ABCC8: variants seen among roughly 807,000 people sequenced by gnomAD.
ABCC8 encodes ATP-binding cassette sub-family C member 8.
Under a neutral mutation model 188.0 loss-of-function variants are expected in ABCC8, and 137 were observed. The observed-to-expected ratio is 0.73, with a 90% CI of 0.63 to 0.84. The LOEUF (loss-of-function observed/expected upper bound fraction) is 0.84. ABCC8 is among the 40% of genes least tolerant of loss of function. The pLI is 0.00. For synonymous variants in ABCC8, 797 were observed against 846.5 expected (o/e 0.94, Z 1.01); for missense variants, 1,750 against 2,072.7 (o/e 0.84, Z 3.02).
rs370343912 is a variant in ABCC8 at position 17,446,298 on chromosome 11, A to C, written c.1332+2218T>G. Among the ~76,000 whole-genome samples the C allele has an allele frequency of 2.0e-3, 304 of 152,170 alleles. 5 individuals are homozygous for C. In the South Asian group the frequency reaches 0.024, roughly 12 times the overall value. On this transcript the variant is annotated intron_variant, in intron 8 of 38. Transcript: ENST00000389817. Reference sequence around the variant, plus strand: ...TCTTACAAACTGCTTGTTCAAGGGGACACAACAGAAAGTGTCTTGTAGCCT... The same window carrying C: ...TCTTACAAACTGCTTGTTCAAGGGGCCACAACAGAAAGTGTCTTGTAGCCT...
chr11:17,432,473 G>T (rs1177290765), intron 10 of ABCC8: 2 of 825,096 alleles, frequency 2.4e-6, no homozygotes, highest in Admixed American at 3.0e-5. Flanking sequence ...GGCTTAAACT[G>T]TTAAGTCACT....
At position 17,428,371 on chromosome 11, in the gene ABCC8, C is replaced by A; in HGVS notation, c.1958G>T (p.Arg653Leu). The change falls in exon 14 of 39, where the codon CGG (arginine) becomes CTG (leucine). Residue 653 changes from arginine to leucine, a missense_variant. Coordinates refer to ENST00000389817, the MANE Select transcript of ABCC8 (RefSeq NM_000352.6). ...GCCGGTGAGGCCCCGACAATCCTCC[C>A]GGGCTGGACGCTTGCGGTTCACAAC... ...LRVVNRKRPAREDCRGLTGPL... is the reference protein window; with the variant it reads ...LRVVNRKRPALEDCRGLTGPL... 1 of 1,614,096 alleles carries A rather than the reference C, an allele frequency of 6.2e-7. No homozygotes were observed. The highest frequency in any genetic ancestry group is 8.5e-7 in the Non-Finnish European group (1 of 1,179,980).
chr11:17,417,474 G>C (rs1401437271), intron 16 of ABCC8, among the ~76,000 whole-genome samples: 1 of 152,168 alleles, frequency 6.6e-6, no homozygotes, highest in Admixed American at 6.5e-5. Flanking sequence ...ATAGTGGACT[G>C]TAATGTCAAA....
At position 17,396,415 on chromosome 11, in the gene ABCC8, G is replaced by A. The variant is rs74891446; in HGVS notation, c.4120-485C>T. The A allele has an allele frequency of 1.1e-3, 341 of 310,598 alleles. 1 individual carries two copies. Among genetic ancestry groups the A allele is most frequent in the African/African-American group, 6.5e-3 (304 of 46,676 alleles). 19.2% of individuals were successfully genotyped at this position (310,598 alleles called of 1,614,324 possible). On this transcript the variant is annotated intron_variant, in intron 33 of 38. Transcript: ENST00000389817. ...GACATAGAAGGATGAGAGAGGCAGGGACAGAGGTACATCCCAAGGTCAGAG... is the reference window on the plus strand; with the variant it reads ...GACATAGAAGGATGAGAGAGGCAGGAACAGAGGTACATCCCAAGGTCAGAG...
Position 17,394,316 on chromosome 11 carries a change from T to C in ABCC8, c.4495A>G (p.Thr1499Ala). 1 of 1,614,042 alleles carries C rather than the reference T, an allele frequency of 6.2e-7. No individual in the cohort carries two copies. The highest frequency in any genetic ancestry group is 1.3e-5 in the African/African-American group (1 of 75,062). ...FCLARAFVRK[T>A]SIFIMDEATA... ...GCCTCGTCCATGATGAAGATGCTGG[T>C]CTTCCTCACGAAGGCCCGGGCCAGG... Residue 1499 changes from threonine to alanine, a missense_variant, in exon 37 of 39, where the codon ACC becomes GCC. By Grantham distance (58) the Thr-to-Ala change is moderately conservative. Transcript: ENST00000389817.
intron 29 of ABCC8, among the ~76,000 whole-genome samples, chr11:17,398,690 C>T (rs1591719572): frequency 6.6e-6 from 1 of 152,214 alleles, no homozygotes; most frequent in African/African-American, 2.4e-5. Context: ...CTAGGTCTTT[C>T]CCATTATAAT....
At chr11:17,432,174 C>G in intron 11 of ABCC8, 30 bp downstream of exon 11, 2 of 1,552,102 alleles carry the variant, frequency 1.3e-6, no homozygotes, top group Non-Finnish European at 1.7e-6. Flanking sequence ...TCCACCCTAC[C>G]CCCAAGAGAT....
At position 17,442,899 on chromosome 11, in the gene ABCC8, G is replaced by A. The variant is rs368633197; in HGVS notation, c.1468-17C>T. ...GGAATACTCCTGCAGGGGTCCCCGA[G>A]TCAGAGGGGAGAGGCTTCTGCTCCG... On this transcript the variant is annotated splice_polypyrimidine_tract_variant and intron_variant, in intron 9 of 38. Transcript: ENST00000389817. The A allele has an allele frequency of 1.2e-6, 2 of 1,609,746 alleles. No individual in the cohort carries two copies. The highest frequency in any genetic ancestry group is 1.1e-5 in the South Asian group (1 of 91,058).
intron 11 of ABCC8, chr11:17,431,177 C>A: frequency 1.4e-6 from 1 of 712,856 alleles, no homozygotes; most frequent in Non-Finnish European, 2.2e-6. Context: ...GGGCTGCTCC[C>A]TCCCTGTCCT....
chr11:17,409,252 C>T (rs1450337573), intron 22 of ABCC8, among the ~76,000 whole-genome samples: 3 of 152,118 alleles, frequency 2.0e-5, no homozygotes, highest in Non-Finnish European at 4.4e-5. Context: ...CCACCGCGCC[C>T]GGCTCAATAA....
At chr11:17,465,192 A>T (rs1848074951) in intron 3 of ABCC8, among the ~76,000 whole-genome samples, 1 of 152,138 alleles carries the variant, frequency 6.6e-6, no homozygotes, top group African/African-American at 2.4e-5. Flanking sequence ...GAGGAATTCC[A>T]CAGCTGAAGG....
Position 17,404,744 on chromosome 11 carries a change from T to G in ABCC8, c.3400-75A>C. On this transcript the variant is annotated intron_variant, in intron 27 of 38. Transcript: ENST00000389817. This position sits in a 1 kb window ranked among gnomAD's most constrained non-coding sequence, Gnocchi z 4.7. ...GTTTAGAGTGCTACTGGCCGCCATG[T>G]TTTGCTCTCACTTTATTTTTTGATC... 1 of 1,543,008 alleles carries G rather than the reference T, an allele frequency of 6.5e-7. No individual in the cohort carries two copies. The highest frequency in any genetic ancestry group is 2.3e-4 in the Middle Eastern group (1 of 4,358).
intron 3 of ABCC8, among the ~76,000 whole-genome samples, chr11:17,467,898 C>T (rs2283257): frequency 0.13 from 20,504 of 152,274 alleles, 1,601 homozygotes; most frequent in Non-Finnish European, 0.17. Context: ...AATCCATCCA[C>T]GGGTGATAAC....
intron 30 of ABCC8, 137 bp downstream of exon 30, chr11:17,398,202 G>C (rs1954044824): frequency 8.4e-7 from 1 of 1,191,142 alleles, no homozygotes; most frequent in East Asian, 2.5e-5. Context: ...AGGACCACCA[G>C]GGCTGGGGGA....
intron 3 of ABCC8, among the ~76,000 whole-genome samples, chr11:17,464,087 G>A (rs1847999842): frequency 1.3e-5 from 2 of 152,218 alleles, no homozygotes; most frequent in Admixed American, 6.5e-5. Context: ...AGCTGGGCTG[G>A]CCTGACGCTG....
chr11:17,427,018 C>G lies in ABCC8; in HGVS notation c.2222+31G>C. On this transcript the variant is annotated intron_variant, in intron 16 of 38. Coordinates refer to ENST00000389817, the MANE Select transcript of ABCC8 (RefSeq NM_000352.6). The surrounding 1 kb of genome is among the most constrained non-coding windows in gnomAD (Gnocchi z 5.0). ...GAGGATGGTTAAAAGGAGATTTCCC[C>G]TCCACTGGGCCCTGAGGATACATGT... The G allele has an allele frequency of 6.2e-7, 1 of 1,610,240 alleles. No homozygotes were observed. The highest frequency in any genetic ancestry group is 8.5e-7 in the Non-Finnish European group (1 of 1,177,986).
At chr11:17,439,874 T>G (rs1478549955) in intron 10 of ABCC8, among the ~76,000 whole-genome samples, 1 of 152,142 alleles carries the variant, frequency 6.6e-6, no homozygotes, top group Admixed American at 6.5e-5. Flanking sequence ...TAGGTCCTCC[T>G]GGCCCCAGGC....
At position 17,443,223 on chromosome 11, in the gene ABCC8, C is replaced by T; in HGVS notation, c.1422G>A (p.Gln474=). ...GAGACAGCTTGGTGGCCACGAAGTACTGGACAGGAGCCAGTAGAATGATGA... is the reference window on the plus strand; with the variant it reads ...GAGACAGCTTGGTGGCCACGAAGTATTGGACAGGAGCCAGTAGAATGATGA... ...AAVIILLAPV[Q]YFVATKLSQA... Residue 474 remains glutamine, a synonymous_variant, in exon 9 of 39, where the codon CAG becomes CAA. Transcript: ENST00000389817. 2 of 1,614,180 alleles carry T rather than the reference C, an allele frequency of 1.2e-6. No individual in the cohort carries two copies.
rs751433637 is a variant in ABCC8, at chr11:17,428,350, G to C, written c.1979C>G (p.Thr660Ser). ...RPAREDCRGL[T>S]GPLQSLVPSA... Reference sequence around the variant, plus strand: ...GGGGACCAGGCTCTGCAGTGGGCCGGTGAGGCCCCGACAATCCTCCCGGGC... The same window carrying C: ...GGGGACCAGGCTCTGCAGTGGGCCGCTGAGGCCCCGACAATCCTCCCGGGC... Residue 660 changes from threonine (T) to serine (S), a missense_variant, in exon 14 of 39, where the codon ACC becomes AGC. Thr to Ser is a moderately conservative substitution (Grantham distance 58). Coordinates refer to ENST00000389817, the MANE Select transcript of ABCC8 (RefSeq NM_000352.6). The C allele has an allele frequency of 1.2e-6, 2 of 1,614,162 alleles. No individual in the cohort carries two copies. Among genetic ancestry groups the C allele is most frequent in the Non-Finnish European group, 1.7e-6 (2 of 1,180,014 alleles).
Sources: gnomAD v4.1 joint callset for allele counts (sites outside exome capture counted in the v4.1 genomes callset) on GRCh38, gnomAD v4.1.1 for gene constraint, Gnocchi (gnomAD v3.1) non-coding constraint, MANE v1.5 for transcripts, NCBI Gene and HGNC (gene_info 2026-07-23, HGNC 2026-07-21) for gene names.